The following TSPAN9 variants were observed in gnomAD, a reference collection of about 807,000 sequenced individuals.
TSPAN9 encodes tetraspanin 9.
TSPAN9 carries 16 observed loss-of-function variants against 31.0 expected under a neutral mutation model. That is an observed-to-expected ratio of 0.52 (90% CI 0.35 to 0.78). The LOEUF is 0.78. TSPAN9 is among the 30% of genes least tolerant of loss of function. TSPAN9 has a pLI of 0.01. For missense variants in TSPAN9, 272 were observed against 312.5 expected, an observed-to-expected ratio of 0.87 and a Z score of 0.98; for synonymous variants, 145 against 121.6, an observed-to-expected ratio of 1.19 and a Z score of -1.27.
chr12:3,080,074 C>G (rs1201574344), intron 1 of TSPAN9, among the ~76,000 whole-genome samples: 1 of 151,876 alleles, frequency 6.6e-6, no homozygotes, highest in Admixed American at 6.6e-5. Context: ...CAGGCGTGAG[C>G]CACCACGCCC....
intron 5 of TSPAN9, 65 bp downstream of exon 5, chr12:3,279,131 G>T: frequency 1.4e-6 from 2 of 1,479,562 alleles, no homozygotes; most frequent in South Asian, 1.1e-5. Context: ...GGCCAAGCAG[G>T]CCAGGGTCCC....
rs1352542348 is a variant in TSPAN9 at position 3,187,418 on chromosome 12, A to T, written c.-17-13759A>T. Among the ~76,000 whole-genome samples the T allele has an allele frequency of 6.6e-6, 1 of 152,076 alleles. No individual in the cohort carries two copies. Among genetic ancestry groups the T allele is most frequent in the Admixed American group, 6.5e-5 (1 of 15,268 alleles). The stretch of plus-strand genomic sequence containing the variant: ...TGGCATGGGTACGTGTATGTCCAGG[A>T]GTGGCCAGCTTCGTCCATAAAAGCA... On this transcript the variant is annotated intron_variant, in intron 2 of 8. Transcript: ENST00000011898. This position sits in a 1 kb window ranked among gnomAD's most constrained non-coding sequence, Gnocchi z 5.2.
chr12:3,134,812 T>C (rs1310135409), intron 2 of TSPAN9, among the ~76,000 whole-genome samples: 2 of 151,978 alleles, frequency 1.3e-5, no homozygotes, highest in Non-Finnish European at 2.9e-5. Flanking sequence ...GGTGGACGTA[T>C]AGTCAGGCGA....
intron 1 of TSPAN9, among the ~76,000 whole-genome samples, chr12:3,077,758 A>C (rs2159407): frequency 0.6 from 91,056 of 151,884 alleles, 29,747 homozygotes; most frequent in South Asian, 0.73. Flanking sequence ...AAAGGGAGTA[A>C]CCCGGGGCCG....
intron 2 of TSPAN9, chr12:3,174,017 G>C (rs1354341086): frequency 6.6e-6 from 1 of 152,278 alleles, no homozygotes; most frequent in Non-Finnish European, 1.5e-5. Flanking sequence ...GTTGTGTTCT[G>C]ACCTTGCTAG....
At chr12:3,173,147 G>T (rs543260496) in intron 2 of TSPAN9, 1 of 152,578 alleles carries the variant, frequency 6.6e-6, no homozygotes, top group Non-Finnish European at 1.5e-5. Flanking sequence ...CTGGTTGGCT[G>T]TGCCTGGCAT....
At chr12:3,139,593 G>C (rs1434877844) in intron 2 of TSPAN9, among the ~76,000 whole-genome samples, 1 of 152,072 alleles carries the variant, frequency 6.6e-6, no homozygotes, top group Admixed American at 6.5e-5. Flanking sequence ...TTTTGAGACA[G>C]GGTCTTGCTC....
Position 3,216,105 on chromosome 12 carries a change from C to T in TSPAN9, c.63+14849C>T, listed in dbSNP as rs1415898990. ...CCTGGAGTCCTGGGCTGGGAAGTAA[C>T]CTCAGTCCATGCTCAGAGCCACCCC... On this transcript the variant is annotated intron_variant, in intron 3 of 8. Coordinates refer to ENST00000011898, the MANE Select transcript of TSPAN9 (RefSeq NM_006675.5). Among the ~76,000 whole-genome samples, 3 of 152,348 alleles carry T rather than the reference C, an allele frequency of 2.0e-5. No individual in the cohort carries two copies. In the East Asian group the frequency reaches 5.8e-4, roughly 29 times the overall value.
At chr12:3,207,734 T>G (rs1265453449) in intron 3 of TSPAN9, among the ~76,000 whole-genome samples, 1 of 152,050 alleles carries the variant, frequency 6.6e-6, no homozygotes, top group Non-Finnish European at 1.5e-5. Flanking sequence ...AGTGGCTAGC[T>G]CACTGCGTCA....
chr12:3,181,344 A>C (rs908071273), intron 2 of TSPAN9, among the ~76,000 whole-genome samples: 1 of 152,200 alleles, frequency 6.6e-6, no homozygotes, highest in Non-Finnish European at 1.5e-5. Context: ...AATTCAGACA[A>C]GGAAACTGAG....
At chr12:3,109,150 A>T (rs188065934) in intron 2 of TSPAN9, among the ~76,000 whole-genome samples, 1 of 151,688 alleles carries the variant, frequency 6.6e-6, no homozygotes, top group East Asian at 2.0e-4. Context: ...GTTAGCCAGG[A>T]TGGTCTCGAT....
At chr12:3,209,987 TTA>T (rs2098377644) in intron 3 of TSPAN9, among the ~76,000 whole-genome samples, 2 of 28,334 alleles carry the variant, frequency 7.1e-5, no homozygotes, top group Non-Finnish European at 1.1e-4. Context: ...AAAAAAAAAA[TTA>T]GCCGGGTGTG....
chr12:3,101,080 G>C (rs2098311655), intron 2 of TSPAN9, among the ~76,000 whole-genome samples: 1 of 152,186 alleles, frequency 6.6e-6, no homozygotes. Context: ...GTCATCTGGA[G>C]GAGGGTGACT....
At chr12:3,210,148 GAAAA>G (rs1467289627) in intron 3 of TSPAN9, among the ~76,000 whole-genome samples, 4 of 137,958 alleles carry the variant, frequency 2.9e-5, no homozygotes, top group Non-Finnish European at 6.4e-5. Flanking sequence ...AAAAAAAAAA[GAAAA>G]AAAAGTTTCT....
chr12:3,139,177 G>A (rs1054645974), intron 2 of TSPAN9, among the ~76,000 whole-genome samples: 1 of 152,192 alleles, frequency 6.6e-6, no homozygotes, highest in Non-Finnish European at 1.5e-5. Flanking sequence ...TTTTGGTGGG[G>A]GGCGGTGTCC....
chr12:3,213,484 T>C (rs1033661826), intron 3 of TSPAN9, among the ~76,000 whole-genome samples: 1 of 152,148 alleles, frequency 6.6e-6, no homozygotes, highest in South Asian at 2.1e-4. Context: ...TCCCTGGGGC[T>C]CAGAGGCCTG....
At chr12:3,082,784 A>C (rs2098298551) in intron 1 of TSPAN9, among the ~76,000 whole-genome samples, 4 of 152,158 alleles carry the variant, frequency 2.6e-5, no homozygotes, top group Non-Finnish European at 1.5e-5. Context: ...GTGAAAATGC[A>C]ATGCCATTTG....
chr12:3,276,077 A>G (rs1862780474), intron 3 of TSPAN9, among the ~76,000 whole-genome samples: 1 of 152,182 alleles, frequency 6.6e-6, no homozygotes, highest in Non-Finnish European at 1.5e-5. Flanking sequence ...CTGGGAAGAA[A>G]GAGAGGCTCG....
In TSPAN9 at chr12:3,186,130, C is replaced by T. The variant is rs186326650; in HGVS notation, c.-17-15047C>T. ...GTATCCTGAGTCTCAGCTGGGCAGG[C>T]GCTAACTACAGGGCTCCCTCACTCG... On this transcript the variant is annotated intron_variant, in intron 2 of 8. Transcript: ENST00000011898. Among the ~76,000 whole-genome samples the T allele has an allele frequency of 1.9e-3, 289 of 152,332 alleles. 2 individuals are homozygous for T. Among genetic ancestry groups the T allele is most frequent in the Middle Eastern group, 0.017 (5 of 294 alleles).
Sources: allele counts gnomAD v4.1 joint callset (sites outside exome capture counted in the v4.1 genomes callset), GRCh38; gene constraint gnomAD v4.1.1; non-coding constraint Gnocchi (gnomAD v3.1); transcripts MANE v1.5; gene names NCBI Gene and HGNC (gene_info 2026-07-23, HGNC 2026-07-21).